WBP1L: variants seen among roughly 807,000 people sequenced by gnomAD.
The protein encoded by WBP1L is WW domain binding protein 1 like.
WBP1L carries 17 observed loss-of-function variants against 33.7 expected under a neutral mutation model. The ratio of observed to expected loss-of-function variants is 0.50; its 90% CI spans 0.34 to 0.76. The LOEUF (loss-of-function observed/expected upper bound fraction) is 0.76. Ranked by LOEUF, WBP1L falls within the 30% of genes least tolerant of loss-of-function variation. The pLI, the probability that WBP1L is intolerant of heterozygous loss-of-function variation, is 0.01. For missense variants in WBP1L, 389 were observed against 469.4 expected (o/e 0.83, Z 1.58); for synonymous variants, 173 against 190.8 (o/e 0.91, Z 0.77).
At chr10:102,784,819 C>T (rs996843580) in intron 1 of WBP1L, among the ~76,000 whole-genome samples, 1 of 152,002 alleles carries the variant, frequency 6.6e-6, no homozygotes, top group South Asian at 2.1e-4. Context: ...CTTCAGCCTC[C>T]CAAAGTGCTG....
chr10:102,811,790 C>T (rs930958729), intron 3 of WBP1L, among the ~76,000 whole-genome samples: 5 of 152,218 alleles, frequency 3.3e-5, no homozygotes, highest in African/African-American at 7.2e-5. Context: ...AGATTACAGG[C>T]GTAAGCCACT....
At chr10:102,795,506 A>G (rs1843561645) in intron 1 of WBP1L, among the ~76,000 whole-genome samples, 1 of 152,224 alleles carries the variant, frequency 6.6e-6, no homozygotes, top group Non-Finnish European at 1.5e-5. Flanking sequence ...CTCGGTGCAC[A>G]GAAGATCCGA....
intron 1 of WBP1L, among the ~76,000 whole-genome samples, chr10:102,781,045 A>G (rs1378946853): frequency 6.6e-6 from 1 of 152,194 alleles, no homozygotes; most frequent in Non-Finnish European, 1.5e-5. Flanking sequence ...GGAATTTGTC[A>G]TGGAAAGAGG....
intron 1 of WBP1L, among the ~76,000 whole-genome samples, chr10:102,797,444 A>G (rs1034548832): frequency 3.9e-5 from 6 of 152,206 alleles, no homozygotes; most frequent in African/African-American, 1.4e-4. Context: ...CACTCTGCCA[A>G]TTGCTTTTGT....
chr10:102,777,954 T>A (rs1843289256), intron 1 of WBP1L, among the ~76,000 whole-genome samples: 1 of 152,106 alleles, frequency 6.6e-6, no homozygotes, highest in African/African-American at 2.4e-5. Context: ...GGATGAAGCG[T>A]CTCATGCTGT....
At chr10:102,780,923 TG>T (rs1314589474) in intron 1 of WBP1L, among the ~76,000 whole-genome samples, 3 of 152,162 alleles carry the variant, frequency 2.0e-5, no homozygotes, top group Non-Finnish European at 4.4e-5. Flanking sequence ...CCTTTCTCAG[TG>T]GGAAAGACCC....
chr10:102,772,869 C>T (rs574587676), intron 1 of WBP1L, among the ~76,000 whole-genome samples: 1 of 151,784 alleles, frequency 6.6e-6, no homozygotes, highest in East Asian at 1.9e-4. Context: ...GGTGCCCAGC[C>T]AACCTGCAAC....
intron 1 of WBP1L, among the ~76,000 whole-genome samples, chr10:102,761,801 G>A (rs768475659): frequency 2.6e-5 from 4 of 151,920 alleles, no homozygotes; most frequent in East Asian, 3.9e-4. Flanking sequence ...CACCCACCTC[G>A]GCCTCCGAAA....
At chr10:102,766,821 G>A (rs1843117884) in intron 1 of WBP1L, among the ~76,000 whole-genome samples, 1 of 112,742 alleles carries the variant, frequency 8.9e-6, no homozygotes, top group Non-Finnish European at 1.8e-5. Context: ...GACAGAGCGA[G>A]ACTCTGTCTC....
intron 1 of WBP1L, among the ~76,000 whole-genome samples, chr10:102,764,176 A>G (rs1219415625): frequency 1.3e-5 from 2 of 152,206 alleles, no homozygotes; most frequent in Non-Finnish European, 2.9e-5. Flanking sequence ...TGCAAGAAGA[A>G]GGATGATGAC....
intron 1 of WBP1L, among the ~76,000 whole-genome samples, chr10:102,766,881 G>A (rs1843119249): frequency 6.6e-6 from 1 of 151,914 alleles, no homozygotes; most frequent in African/African-American, 2.4e-5. Context: ...GTTTCATGTA[G>A]TTGGTGTGAT....
At position 102,813,101 on chromosome 10, in the gene WBP1L, A is replaced by G. The variant is rs757329045; in HGVS notation, c.862A>G (p.Lys288Glu). The stretch of plus-strand genomic sequence containing the variant: ...CCGGGGCCACCATGACGATGACCTC[A>G]AAGAGTTCAACACACTCATCGATGA... ...CNRGHHDDDL[K>E]EFNTLIDDAL... Residue 288 changes from lysine (K) to glutamate (E), a missense_variant, in exon 4 of 4, where the codon AAA becomes GAA. Coordinates refer to ENST00000448841, the MANE Select transcript of WBP1L (RefSeq NM_001083913.2). 1 of 1,613,964 alleles carries G rather than the reference A, an allele frequency of 6.2e-7. No individual in the cohort carries two copies. The highest frequency in any genetic ancestry group is 8.5e-7 in the Non-Finnish European group (1 of 1,180,016).
At chr10:102,777,081 A>T (rs1843274843) in intron 1 of WBP1L, among the ~76,000 whole-genome samples, 1 of 152,170 alleles carries the variant, frequency 6.6e-6, no homozygotes, top group Non-Finnish European at 1.5e-5. Context: ...CCGGTAAAGC[A>T]GTGTGGAATG....
chr10:102,787,349 A>C (rs1843429724), intron 1 of WBP1L, among the ~76,000 whole-genome samples: 1 of 152,220 alleles, frequency 6.6e-6, no homozygotes, highest in South Asian at 2.1e-4. Context: ...GCACTGTTGG[A>C]GGCTGAGGCA....
At chr10:102,793,125 A>C (rs774686192) in intron 1 of WBP1L, among the ~76,000 whole-genome samples, 5 of 152,156 alleles carry the variant, frequency 3.3e-5, no homozygotes, top group Non-Finnish European at 7.3e-5. Context: ...AATAATGTGT[A>C]ATGTGCTTTG....
chr10:102,753,787 A>G (rs1273375777), intron 1 of WBP1L, among the ~76,000 whole-genome samples: 1 of 152,210 alleles, frequency 6.6e-6, no homozygotes, highest in Non-Finnish European at 1.5e-5. Flanking sequence ...AAATAAATGT[A>G]AGATGTTACA....
chr10:102,777,887 A>G (rs1399235007), intron 1 of WBP1L, among the ~76,000 whole-genome samples: 1 of 152,094 alleles, frequency 6.6e-6, no homozygotes, highest in Non-Finnish European at 1.5e-5. Context: ...CTTTTAACCT[A>G]TGGGCAGAGT....
At chr10:102,761,121 G>GTTTT (rs111654669) in intron 1 of WBP1L, among the ~76,000 whole-genome samples, 30 of 134,104 alleles carry the variant, frequency 2.2e-4, no homozygotes, top group African/African-American at 3.9e-4. Context: ...TGGCCAGGCT[G>GTTTT]TTTTTTTTTT....
chr10:102,803,506 C>T (rs1399021841), intron 2 of WBP1L, among the ~76,000 whole-genome samples: 1 of 152,062 alleles, frequency 6.6e-6, no homozygotes, highest in East Asian at 1.9e-4. Context: ...TCACAATTTT[C>T]AAAACTTGTC....
Sources: allele counts gnomAD v4.1 joint callset (sites outside exome capture counted in the v4.1 genomes callset), GRCh38; gene constraint gnomAD v4.1.1; transcripts MANE v1.5; gene names NCBI Gene and HGNC (gene_info 2026-07-23, HGNC 2026-07-21).